The following LEKR1 variants were observed in gnomAD, a reference collection of about 807,000 sequenced individuals.
LEKR1 encodes leucine, glutamate and lysine rich 1, also known as protein LEKR1.
In LEKR1, 59 loss-of-function variants were observed where a neutral mutation model predicts 72.4. The observed-to-expected ratio is 0.82, with a 90% CI of 0.66 to 1.01. LEKR1 has a LOEUF of 1.01. Ranked by LOEUF, LEKR1 falls within the 50% of genes least tolerant of loss-of-function variation. The pLI is 0.00. For synonymous variants in LEKR1, 257 were observed against 263.2 expected (o/e 0.98, Z 0.23); for missense variants, 728 against 759.2 (o/e 0.96, Z 0.48).
intron 6 of LEKR1, among the ~76,000 whole-genome samples, chr3:156,969,948 G>A (rs62275833): frequency 0.032 from 4,827 of 152,168 alleles, 117 homozygotes; most frequent in Non-Finnish European, 0.047. Flanking sequence ...TTCATCCCTG[G>A]GATGCAAGGC....
intron 7 of LEKR1, among the ~76,000 whole-genome samples, chr3:156,991,198 G>C (rs1322625751): frequency 6.6e-6 from 1 of 151,974 alleles, no homozygotes. Flanking sequence ...TTTAGGGAGC[G>C]GGGAGTTGGC....
chr3:157,012,728 T>G (rs1284744209), intron 10 of LEKR1, among the ~76,000 whole-genome samples: 1 of 152,130 alleles, frequency 6.6e-6, no homozygotes, highest in Non-Finnish European at 1.5e-5. Context: ...TTGGAGAATA[T>G]GGACTAATGT....
intron 2 of LEKR1, 36 bp from the exon 3 acceptor site, chr3:156,852,732 T>G: frequency 8.7e-7 from 1 of 1,146,152 alleles, no homozygotes; most frequent in South Asian, 1.6e-5. Flanking sequence ...TTTTCAGAAT[T>G]AAAAAAATTT....
chr3:156,854,545 CTT>C (rs200242109), intron 3 of LEKR1, among the ~76,000 whole-genome samples: 3 of 144,940 alleles, frequency 2.1e-5, no homozygotes, highest in East Asian at 2.0e-4. Flanking sequence ...TCTTTCTTTC[CTT>C]TTTTTTTTTT....
intron 2 of LEKR1, among the ~76,000 whole-genome samples, chr3:156,830,096 CGAA>C (rs1254245732): frequency 6.6e-6 from 1 of 152,016 alleles, no homozygotes; most frequent in Non-Finnish European, 1.5e-5. Flanking sequence ...AAAAACATAA[CGAA>C]GAAGTATTAA....
chr3:157,003,009 T>C (rs1188841940), intron 9 of LEKR1, among the ~76,000 whole-genome samples: 2 of 152,300 alleles, frequency 1.3e-5, no homozygotes, highest in Non-Finnish European at 1.5e-5. Flanking sequence ...AATTCAAGCA[T>C]CTCAAATATT....
chr3:156,884,768 T>A (rs1274847244), intron 3 of LEKR1, among the ~76,000 whole-genome samples: 2 of 152,226 alleles, frequency 1.3e-5, no homozygotes, highest in Non-Finnish European at 2.9e-5. Context: ...GGCGATGATC[T>A]TTTTGGGATG....
chr3:157,006,295 G>A (rs952332028), intron 9 of LEKR1, among the ~76,000 whole-genome samples: 4 of 152,186 alleles, frequency 2.6e-5, no homozygotes, highest in African/African-American at 7.2e-5. Context: ...GTGAGCCACC[G>A]CGCCCGGCCA....
At chr3:156,998,398 A>G (rs937662209) in intron 9 of LEKR1, among the ~76,000 whole-genome samples, 10 of 152,202 alleles carry the variant, frequency 6.6e-5, no homozygotes, top group African/African-American at 2.2e-4. Flanking sequence ...CGCTTACACC[A>G]GCATGTGGCC....
At chr3:157,033,179 C>A (rs143713375) in intron 12 of LEKR1, among the ~76,000 whole-genome samples, 4 of 152,174 alleles carry the variant, frequency 2.6e-5, no homozygotes, top group African/African-American at 9.6e-5. Flanking sequence ...CAATTAACAA[C>A]GCTACAATGG....
At chr3:156,983,372 C>T (rs2108002197) in intron 7 of LEKR1, among the ~76,000 whole-genome samples, 1 of 152,240 alleles carries the variant, frequency 6.6e-6, no homozygotes, top group Admixed American at 6.5e-5. Flanking sequence ...ACACTCCAAT[C>T]TACATAAGAA....
chr3:157,044,110 C>G (rs1735570426), intron 12 of LEKR1, among the ~76,000 whole-genome samples: 1 of 152,150 alleles, frequency 6.6e-6, no homozygotes. Context: ...GTCAGTCAAC[C>G]CTTAGGGAGG....
chr3:156,873,593 A>C (rs1049611602), intron 3 of LEKR1, among the ~76,000 whole-genome samples: 3 of 150,910 alleles, frequency 2.0e-5, no homozygotes, highest in Non-Finnish European at 4.4e-5. Flanking sequence ...AGTGGTTTTT[A>C]TATTTTGTGT....
intron 3 of LEKR1, among the ~76,000 whole-genome samples, chr3:156,858,049 T>A (rs897817183): frequency 6.6e-6 from 1 of 152,200 alleles, no homozygotes; most frequent in Non-Finnish European, 1.5e-5. Context: ...AATTATTGGT[T>A]TACTTATGGA....
chr3:156,910,563 T>G (rs1260956628), intron 3 of LEKR1, among the ~76,000 whole-genome samples: 1 of 152,172 alleles, frequency 6.6e-6, no homozygotes, highest in Non-Finnish European at 1.5e-5. Context: ...CACCCATATG[T>G]CTAGGTGACA....
At chr3:156,895,901 A>T (rs1327505336) in intron 3 of LEKR1, among the ~76,000 whole-genome samples, 2 of 152,206 alleles carry the variant, frequency 1.3e-5, no homozygotes, top group African/African-American at 2.4e-5. Flanking sequence ...ATAAAGACAC[A>T]TGCACGCATA....
At chr3:157,022,570 A>G (rs188950544) in intron 10 of LEKR1, among the ~76,000 whole-genome samples, 10 of 152,252 alleles carry the variant, frequency 6.6e-5, no homozygotes, top group African/African-American at 2.2e-4. Flanking sequence ...CACTAACTTG[A>G]GTAACTAGAT....
At position 156,834,785 on chromosome 3, in the gene LEKR1, G is replaced by A. The variant is rs142885232; in HGVS notation, c.48+5408G>A. 1.9e-3 allele frequency among the ~76,000 whole-genome samples: 290 copies of A among 152,240 alleles called. 3 individuals carry two copies. The highest frequency in any genetic ancestry group is 6.4e-3 in the African/African-American group (267 of 41,550). On this transcript the variant is annotated intron_variant, in intron 2 of 12. Coordinates refer to ENST00000356539, the MANE Select transcript of LEKR1 (RefSeq NM_001004316.3). ...TAGAAGTAGTTTATAACCTTAAAAC[G>A]TATAGCAAAGACAGAATTCAGTCTG...
intron 3 of LEKR1, among the ~76,000 whole-genome samples, chr3:156,918,415 G>A (rs62275802): frequency 0.045 from 6,804 of 152,160 alleles, 187 homozygotes; most frequent in Non-Finnish European, 0.069. Context: ...GGCTTAAAAC[G>A]GATGGAGTAG....
Sources: gnomAD v4.1 joint callset for allele counts (sites outside exome capture counted in the v4.1 genomes callset) on GRCh38, gnomAD v4.1.1 for gene constraint, MANE v1.5 for transcripts, NCBI Gene and HGNC (gene_info 2026-07-23, HGNC 2026-07-21) for gene names.